Variants in KIAA1549L observed in about 807,000 individuals in gnomAD.
KIAA1549L encodes the protein KIAA1549 like, also known as UPF0606 protein KIAA1549L.
Under a neutral mutation model 160.7 loss-of-function variants are expected in KIAA1549L, and 88 were observed. The ratio of observed to expected loss-of-function variants is 0.55; its 90% confidence interval spans 0.46 to 0.65. KIAA1549L has a LOEUF of 0.65. Among genes scored for constraint, KIAA1549L ranks in the 30% least tolerant of loss-of-function variants. The pLI is 0.00. For missense variants in KIAA1549L, 2,258 were observed against 2,437.5 expected, an observed-to-expected ratio of 0.93 and a Z score of 1.55; for synonymous variants, 950 against 976.7, an observed-to-expected ratio of 0.97 and a Z score of 0.51.
chr11:33,617,133 CAAAAAA>C (rs59233344), intron 15 of KIAA1549L, among the ~76,000 whole-genome samples: 1 of 89,588 alleles, frequency 1.1e-5, no homozygotes, highest in African/African-American at 3.8e-5. Flanking sequence ...GAGATTCTAT[CAAAAAA>C]AAAAAAAAAA....
chr11:33,441,148 C>T (rs1470779605), intron 1 of KIAA1549L, among the ~76,000 whole-genome samples: 1 of 150,482 alleles, frequency 6.6e-6, no homozygotes, highest in Non-Finnish European at 1.5e-5. Context: ...TCAGTTACCA[C>T]CTATGAGTGA....
Position 33,574,940 on chromosome 11 carries a change from T to C in KIAA1549L, c.4402+67T>C, listed in dbSNP as rs56105952. Reference sequence around the variant, plus strand: ...AAATGTTTCCTGAAAATCAAAATGATTCCCCAAAATCATGTTAATGGTCTC... The same window carrying C: ...AAATGTTTCCTGAAAATCAAAATGACTCCCCAAAATCATGTTAATGGTCTC... On this transcript the variant is annotated intron_variant, in intron 10 of 20. Transcript: ENST00000658780. 1,249 of 1,375,278 alleles carry C rather than the reference T, an allele frequency of 9.1e-4. 13 individuals carry two copies. The African/African-American group carries it at 0.014, about 16-fold the overall frequency. 85.2% of individuals were successfully genotyped at this position (1,375,278 alleles called of 1,614,324 possible).
rs74471465 is a variant in KIAA1549L at position 33,401,008 on chromosome 11, G to C, written c.238+24119G>C. 8.2e-3 allele frequency among the ~76,000 whole-genome samples: 1,255 copies of C among 152,156 alleles called. 17 individuals carry two copies. Among genetic ancestry groups the C allele is most frequent in the African/African-American group, 0.029 (1,195 of 41,504 alleles). On this transcript the variant is annotated intron_variant, in intron 1 of 20. Coordinates refer to ENST00000658780, the MANE Select transcript of KIAA1549L (RefSeq NM_012194.3). ...GCTAAGCTGAATGCTCTCCATGACTGTATCTGCCTTTCCTCTGCCCCATGA... is the reference window on the plus strand; with the variant it reads ...GCTAAGCTGAATGCTCTCCATGACTCTATCTGCCTTTCCTCTGCCCCATGA...
chr11:33,553,452 G>C (rs1854540367), intron 6 of KIAA1549L, among the ~76,000 whole-genome samples: 1 of 152,118 alleles, frequency 6.6e-6, no homozygotes, highest in Non-Finnish European at 1.5e-5. Flanking sequence ...ATTAGACCCA[G>C]TGGTTTTAAA....
At chr11:33,589,258 A>G (rs1849973166) in intron 11 of KIAA1549L, among the ~76,000 whole-genome samples, 1 of 152,152 alleles carries the variant, frequency 6.6e-6, no homozygotes, top group African/African-American at 2.4e-5. Flanking sequence ...AAGTCAGGAA[A>G]CAACAGGTGC....
At chr11:33,503,283 C>T (rs534430075) in intron 1 of KIAA1549L, among the ~76,000 whole-genome samples, 14 of 152,220 alleles carry the variant, frequency 9.2e-5, no homozygotes, top group African/African-American at 2.4e-4. Context: ...TTCTTTCATC[C>T]GAATCATTGT....
intron 1 of KIAA1549L, among the ~76,000 whole-genome samples, chr11:33,399,552 C>T (rs1590219293): frequency 1.3e-5 from 2 of 152,142 alleles, no homozygotes; most frequent in African/African-American, 2.4e-5. Flanking sequence ...GTGAAATGGA[C>T]ATCACCTCCT....
intron 1 of KIAA1549L, among the ~76,000 whole-genome samples, chr11:33,402,866 T>C (rs1330831141): frequency 6.6e-6 from 1 of 152,176 alleles, no homozygotes; most frequent in African/African-American, 2.4e-5. Flanking sequence ...TGGCATGAAG[T>C]TGGACTTCCT....
chr11:33,407,241 C>T (rs1220489807), intron 1 of KIAA1549L, among the ~76,000 whole-genome samples: 3 of 151,326 alleles, frequency 2.0e-5, no homozygotes, highest in Non-Finnish European at 4.4e-5. Context: ...CCTGCCACCA[C>T]GCCCGGCTAA....
chr11:33,435,602 G>A (rs377611868), intron 1 of KIAA1549L, among the ~76,000 whole-genome samples: 7 of 150,744 alleles, frequency 4.6e-5, no homozygotes, highest in South Asian at 2.1e-4. Flanking sequence ...AAAGATCATA[G>A]GACTGATATG....
chr11:33,392,988 G>A lies in KIAA1549L; in HGVS notation c.238+16099G>A, dbSNP rs538847973. ...AAGCTGCATCTCCTAATTGTCCCCT[G>A]TCTCTAGTCTTGTCCCCCTTTAAAC... On this transcript the variant is annotated intron_variant, in intron 1 of 20. Coordinates refer to ENST00000658780, the MANE Select transcript of KIAA1549L (RefSeq NM_012194.3). Among the ~76,000 whole-genome samples the A allele has an allele frequency of 2.0e-5, 3 of 149,940 alleles. No homozygotes were observed. The South Asian group carries it at 6.2e-4, about 31-fold the overall frequency.
Position 33,409,822 on chromosome 11 carries a change from G to A in KIAA1549L, c.238+32933G>A, listed in dbSNP as rs369624296. Among the ~76,000 whole-genome samples, 3 of 141,910 alleles carry A rather than the reference G, an allele frequency of 2.1e-5. No individual in the cohort carries two copies. In the South Asian group the frequency reaches 6.6e-4, roughly 31 times the overall value. 93.1% of individuals were successfully genotyped at this position (141,910 alleles called of 152,430 possible). ...TTTATTTCCATGATGGTTTTCTCTA[G>A]GTCCTCAGGGCATTTTGAGATGAGA... On this transcript the variant is annotated intron_variant, in intron 1 of 20. Coordinates refer to ENST00000658780, the MANE Select transcript of KIAA1549L (RefSeq NM_012194.3).
intron 16 of KIAA1549L, among the ~76,000 whole-genome samples, chr11:33,631,092 A>G (rs1386909814): frequency 6.6e-6 from 1 of 152,170 alleles, no homozygotes; most frequent in Non-Finnish European, 1.5e-5. Context: ...ACTGCCCAGT[A>G]CTGTCTCCAT....
At chr11:33,541,598 C>T (rs1854023827) in intron 1 of KIAA1549L, among the ~76,000 whole-genome samples, 1 of 152,216 alleles carries the variant, frequency 6.6e-6, no homozygotes, top group Admixed American at 6.5e-5. Flanking sequence ...TCAGAAACTG[C>T]TTCCCACCAA....
intron 1 of KIAA1549L, among the ~76,000 whole-genome samples, chr11:33,487,399 GTTC>G (rs796537805): frequency 1.5e-4 from 18 of 122,586 alleles, no homozygotes; most frequent in African/African-American, 5.5e-4. Flanking sequence ...ATGGTCTATT[GTTC>G]TTTTTTTTTT....
At chr11:33,505,408 A>G (rs973944333) in intron 1 of KIAA1549L, among the ~76,000 whole-genome samples, 2 of 152,238 alleles carry the variant, frequency 1.3e-5, no homozygotes, top group African/African-American at 4.8e-5. Context: ...CTCCTTGCCA[A>G]CCAGCTCAAC....
intron 14 of KIAA1549L, 52 bp from the exon 15 acceptor site, chr11:33,609,696 AC>A: frequency 7.0e-7 from 1 of 1,421,766 alleles, no homozygotes; most frequent in Non-Finnish European, 9.7e-7. Context: ...AAAGTCTCCC[AC>A]CTGCCGGCCC....
intron 1 of KIAA1549L, among the ~76,000 whole-genome samples, chr11:33,472,328 C>CCAGGTTGGTCTCAAACTCCTGGCCTCAA: frequency 6.8e-6 from 1 of 147,564 alleles, no homozygotes; most frequent in Middle Eastern, 3.4e-3. Context: ...ATTATGTTGC[C>CCAGGTTGGTCTCAAACTCCTGGCCTCAA]CAGGTTGGTC....
At chr11:33,518,258 G>A (rs1853400309) in intron 1 of KIAA1549L, among the ~76,000 whole-genome samples, 1 of 150,094 alleles carries the variant, frequency 6.7e-6, no homozygotes. Flanking sequence ...TTTAAAACAT[G>A]CTAAATTAGC....
Sources: gnomAD v4.1 joint callset for allele counts (sites outside exome capture counted in the v4.1 genomes callset) on GRCh38, gnomAD v4.1.1 for gene constraint, MANE v1.5 for transcripts, NCBI Gene and HGNC (gene_info 2026-07-23, HGNC 2026-07-21) for gene names.